The following SLC16A10 variants were observed in gnomAD, a reference collection of about 807,000 sequenced individuals.
SLC16A10 encodes monocarboxylate transporter 10.
In SLC16A10, 27 loss-of-function variants were observed where a neutral mutation model predicts 40.0. That is an observed-to-expected ratio of 0.67 (90% confidence interval 0.50 to 0.93). The LOEUF (loss-of-function observed/expected upper bound fraction) is 0.93. Among genes scored for constraint, SLC16A10 ranks in the 40% least tolerant of loss-of-function variants. The probability of loss-of-function intolerance (pLI) is 0.00; values close to 1 mark genes in which losing one functional copy is unlikely to be tolerated. For missense variants in SLC16A10, 529 were observed against 658.2 expected (o/e 0.80, Z 2.15); for synonymous variants, 213 against 249.8 (o/e 0.85, Z 1.39).
chr6:111,100,384 T>C (rs1438295460), intron 1 of SLC16A10, among the ~76,000 whole-genome samples: 1 of 152,164 alleles, frequency 6.6e-6, no homozygotes, highest in East Asian at 1.9e-4. Context: ...TGGATTTGGT[T>C]TATCTACAGT....
chr6:111,172,891 A>C (rs1384787348), intron 2 of SLC16A10, 52 bp downstream of exon 2: 9 of 1,577,330 alleles, frequency 5.7e-6, no homozygotes, highest in Non-Finnish European at 7.8e-6. Context: ...AGATACCTTA[A>C]AGTTTTACTT....
At chr6:111,193,032 T>C (rs538730768) in intron 3 of SLC16A10, among the ~76,000 whole-genome samples, 2 of 152,304 alleles carry the variant, frequency 1.3e-5, no homozygotes, top group Admixed American at 1.3e-4. Context: ...TATTACCTTT[T>C]TTTTGAGATG....
At chr6:111,115,703 T>C (rs1771473389) in intron 1 of SLC16A10, among the ~76,000 whole-genome samples, 2 of 152,210 alleles carry the variant, frequency 1.3e-5, no homozygotes, top group Admixed American at 6.5e-5. Context: ...ATAAAAATTA[T>C]TGTACAAGTT....
At chr6:111,106,101 G>A (rs577466939) in intron 1 of SLC16A10, among the ~76,000 whole-genome samples, 1 of 152,300 alleles carries the variant, frequency 6.6e-6, no homozygotes, top group Admixed American at 6.5e-5. Flanking sequence ...TTACTGACTA[G>A]TAAATATGTT....
intron 1 of SLC16A10, among the ~76,000 whole-genome samples, chr6:111,092,251 G>C (rs776084267): frequency 1.3e-5 from 2 of 151,540 alleles, no homozygotes; most frequent in Non-Finnish European, 2.9e-5. Context: ...ACTCAGAGGA[G>C]TGTCTCACAC....
At chr6:111,177,123 A>G in intron 2 of SLC16A10, 89 bp from the exon 3 acceptor site, 1 of 972,410 alleles carries the variant, frequency 1.0e-6, no homozygotes, top group Non-Finnish European at 1.4e-6. Context: ...TTGATGAACA[A>G]AAACCCACTT....
At chr6:111,221,909 A>T in intron 5 of SLC16A10, 94 bp from the exon 6 acceptor site, 2 of 1,120,230 alleles carry the variant, frequency 1.8e-6, no homozygotes, top group Non-Finnish European at 2.5e-6. Flanking sequence ...AAAAAGTCTG[A>T]TGTCTGAGAT....
At chr6:111,164,036 T>C (rs1385824366) in intron 1 of SLC16A10, among the ~76,000 whole-genome samples, 1 of 152,250 alleles carries the variant, frequency 6.6e-6, no homozygotes, top group East Asian at 1.9e-4. Flanking sequence ...GTTCTTTTAT[T>C]CTAATGTTCA....
chr6:111,203,125 T>C (rs1351705466), intron 3 of SLC16A10, among the ~76,000 whole-genome samples: 1 of 152,136 alleles, frequency 6.6e-6, no homozygotes, highest in South Asian at 2.1e-4. Context: ...ATTAGAAATA[T>C]CCATTTTGTC....
chr6:111,111,468 C>G (rs939588251), intron 1 of SLC16A10, among the ~76,000 whole-genome samples: 3 of 152,120 alleles, frequency 2.0e-5, no homozygotes, highest in Admixed American at 2.0e-4. Flanking sequence ...CGCCTGTAAT[C>G]ACAACACTTT....
chr6:111,094,216 A>G (rs190498049), intron 1 of SLC16A10, among the ~76,000 whole-genome samples: 26 of 152,160 alleles, frequency 1.7e-4, no homozygotes, highest in African/African-American at 6.0e-4. Context: ...CTGGCCATAT[A>G]CTTGCTTCAC....
chr6:111,115,489 G>A (rs529057813), intron 1 of SLC16A10, among the ~76,000 whole-genome samples: 3 of 152,252 alleles, frequency 2.0e-5, no homozygotes, highest in Admixed American at 6.5e-5. Context: ...GATTACAGGC[G>A]TGAGCCACTG....
In SLC16A10 at chr6:111,225,566, A is replaced by T. The variant is rs1210148904; in HGVS notation, c.*3331A>T. 1.3e-5 allele frequency: 2 copies of T among 151,606 alleles called. No homozygotes were observed. Among genetic ancestry groups the T allele is most frequent in the Non-Finnish European group, 1.5e-5 (1 of 67,886 alleles). 9.4% of individuals were successfully genotyped at this position (151,606 alleles called of 1,614,324 possible). On this transcript the variant is annotated 3_prime_UTR_variant, in exon 6 of 6. Coordinates refer to ENST00000368851, the MANE Select transcript of SLC16A10 (RefSeq NM_018593.5). Reference sequence around the variant, plus strand: ...CTCCATCTCAAAAAAAAAAAAAAAAAGTAAAAGTACACACAGTTTAAAAGT... The same window carrying T: ...CTCCATCTCAAAAAAAAAAAAAAAATGTAAAAGTACACACAGTTTAAAAGT...
At position 111,223,422 on chromosome 6, in the gene SLC16A10, CCATGACCCATACTCATTTACAAA is replaced by C. The variant is rs1770938738; in HGVS notation, c.*1188_*1210del. On this transcript the variant is annotated 3_prime_UTR_variant, in exon 6 of 6. Transcript: ENST00000368851. ...GACCCAAAATAAAACCAAAGTCATG[CCATGACCCATACTCATTTACAAA>C]AACAAGAACACTTTCCTCTATCCCT... is the stretch of plus-strand genomic sequence containing the variant. The C allele has an allele frequency of 6.6e-6, 1 of 152,054 alleles. No homozygotes were observed. The highest frequency in any genetic ancestry group is 1.5e-5 in the Non-Finnish European group (1 of 68,014). 9.4% of individuals were successfully genotyped at this position (152,054 alleles called of 1,614,324 possible).
In SLC16A10 at chr6:111,226,341, G is replaced by A. The variant is rs1009140533; in HGVS notation, c.*4106G>A. On this transcript the variant is annotated 3_prime_UTR_variant, in exon 6 of 6. Coordinates refer to ENST00000368851, the MANE Select transcript of SLC16A10 (RefSeq NM_018593.5). ...CTCTCTGATGCAGTTCCTAATGATT[G>A]TTCTTCAGGGACCTTCCTTAGGTTA... 3 of 152,236 alleles carry A rather than the reference G, an allele frequency of 2.0e-5. No individual in the cohort carries two copies. Among genetic ancestry groups the A allele is most frequent in the Middle Eastern group, 3.4e-3 (1 of 294 alleles). The allele number at this position is 152,236 out of a possible 1,614,324, so 9.4% of individuals were successfully genotyped here. A position where few individuals can be genotyped will look rare whatever the true frequency, so the allele number is the denominator to read the frequency against.
In SLC16A10 at chr6:111,218,891, G is replaced by A. The variant is rs371764487; in HGVS notation, c.1164G>A (p.Val388=). The part of the protein sequence containing the change: ...LCSIFGALIA[V]CLIMGLFDGC... ...GCATCTTTGGGGCCCTCATTGCTGTGTGCCTCATCATGGGTCTCTTCGATG... is the reference window on the plus strand; with the variant it reads ...GCATCTTTGGGGCCCTCATTGCTGTATGCCTCATCATGGGTCTCTTCGATG... The change falls in exon 5 of 6, where the codon GTG becomes GTA. Residue 388 remains valine, a synonymous_variant. Transcript: ENST00000368851. 1 of 1,613,990 alleles carries A rather than the reference G, an allele frequency of 6.2e-7. No individual in the cohort carries two copies. The highest frequency in any genetic ancestry group is 8.5e-7 in the Non-Finnish European group (1 of 1,180,018).
At chr6:111,108,040 G>A (rs549149720) in intron 1 of SLC16A10, among the ~76,000 whole-genome samples, 1 of 144,560 alleles carries the variant, frequency 6.9e-6, no homozygotes, top group South Asian at 2.3e-4. Context: ...TTTTTTTTTA[G>A]TTGGAGTCTT....
intron 1 of SLC16A10, among the ~76,000 whole-genome samples, chr6:111,099,382 C>A (rs1237035062): frequency 1.3e-5 from 2 of 152,164 alleles, no homozygotes; most frequent in African/African-American, 4.8e-5. Flanking sequence ...GGGGTATGAA[C>A]ACAGCTCACT....
chr6:111,161,069 A>G lies in SLC16A10; in HGVS notation c.344-11626A>G, dbSNP rs898735604. Among the ~76,000 whole-genome samples the G allele has an allele frequency of 5.7e-4, 86 of 151,906 alleles. 2 individuals carry two copies. Among genetic ancestry groups the G allele is most frequent in the Non-Finnish European group, 1.0e-4 (7 of 67,956 alleles). The stretch of plus-strand genomic sequence containing the variant: ...GAAACCCCGTCTCTACTAAAAATAC[A>G]AAAATTAGCAGGGTGTGGTGGCACA... On this transcript the variant is annotated intron_variant, in intron 1 of 5. Coordinates refer to ENST00000368851, the MANE Select transcript of SLC16A10 (RefSeq NM_018593.5).
Sources: gnomAD v4.1 joint callset for allele counts (sites outside exome capture counted in the v4.1 genomes callset) on GRCh38, gnomAD v4.1.1 for gene constraint, MANE v1.5 for transcripts, NCBI Gene and HGNC (gene_info 2026-07-23, HGNC 2026-07-21) for gene names.